The following JAKMIP1 variants were observed in gnomAD, a reference collection of about 807,000 sequenced individuals.
JAKMIP1 encodes the protein janus kinase and microtubule-interacting protein 1.
JAKMIP1 carries 33 observed loss-of-function variants against 113.0 expected under a neutral mutation model. That is an observed-to-expected ratio of 0.29 (90% CI 0.22 to 0.39). The LOEUF (loss-of-function observed/expected upper bound fraction) is 0.39. Ranked by LOEUF, JAKMIP1 falls within the 10% of genes least tolerant of loss-of-function variation. The pLI, the probability that JAKMIP1 is intolerant of heterozygous loss-of-function variation, is 1.00. For synonymous variants in JAKMIP1, 480 were observed against 459.9 expected (o/e 1.04, Z -0.56); for missense variants, 813 against 1,080.5 (o/e 0.75, Z 3.47).
chr4:6,190,223 G>C (rs1420520018), intron 1 of JAKMIP1, among the ~76,000 whole-genome samples: 1 of 152,098 alleles, frequency 6.6e-6, no homozygotes, highest in African/African-American at 2.4e-5. Flanking sequence ...GCAATGCCAG[G>C]CTAAATTTAC....
At chr4:6,048,741 C>T (rs746069735) in intron 16 of JAKMIP1, 116 bp downstream of exon 16, 30 of 812,550 alleles carry the variant, frequency 3.7e-5, no homozygotes, top group Non-Finnish European at 5.4e-5. Context: ...CACGTGCAGA[C>T]GCAGACGGAC....
chr4:6,064,881 T>C lies in JAKMIP1; in HGVS notation c.1430A>G (p.Asp477Gly). 7 of 1,614,052 alleles carry C rather than the reference T, an allele frequency of 4.3e-6. No individual in the cohort carries two copies. The highest frequency in any genetic ancestry group is 1.7e-4 in the Middle Eastern group (1 of 6,012). The change falls in exon 9 of 21, where the codon GAT (aspartate) becomes GGT (glycine). Residue 477 changes from aspartate to glycine, a missense_variant and splice_region_variant. Asp to Gly is a moderately conservative substitution (Grantham distance 94). Coordinates refer to ENST00000409021, the MANE Select transcript of JAKMIP1 (RefSeq NM_001099433.2). The surrounding 1 kb of genome is among the most constrained non-coding windows in gnomAD (Gnocchi z 4.3). ...CGCCCTCTCTGCAGGTTTGCTTACATCGTCCAAGTCTTCTTCGGGCGTGGC... is the reference window on the plus strand; with the variant it reads ...CGCCCTCTCTGCAGGTTTGCTTACACCGTCCAAGTCTTCTTCGGGCGTGGC... Reference protein sequence around the residue: ...TPATPEEDLDDATAREEADLR... With the variant: ...TPATPEEDLDGATAREEADLR...
intron 18 of JAKMIP1, among the ~76,000 whole-genome samples, chr4:6,038,864 A>G (rs1014416994): frequency 6.6e-6 from 1 of 152,176 alleles, no homozygotes; most frequent in African/African-American, 2.4e-5. Flanking sequence ...ATAGAAACGC[A>G]CCACTCGATT....
chr4:6,144,276 C>G (rs912497046), intron 1 of JAKMIP1, among the ~76,000 whole-genome samples: 1 of 152,200 alleles, frequency 6.6e-6, no homozygotes, highest in Non-Finnish European at 1.5e-5. Flanking sequence ...TAGAAAAGCA[C>G]AGGCCTAGAT....
chr4:6,135,897 G>T lies in JAKMIP1; in HGVS notation c.-147-22900C>A, dbSNP rs772232194. The stretch of plus-strand genomic sequence containing the variant: ...GGTGTCAGAGGACTTAAGAAATGGT[G>T]GGGGGAGAGGTGGGGGGGGACAGCA... On this transcript the variant is annotated intron_variant, in intron 1 of 20. Transcript: ENST00000409021. The surrounding 1 kb of genome is among the most constrained non-coding windows in gnomAD (Gnocchi z 4.9). Among the ~76,000 whole-genome samples, 3 of 151,910 alleles carry T rather than the reference G, an allele frequency of 2.0e-5. No individual in the cohort carries two copies. The highest frequency in any genetic ancestry group is 2.9e-5 in the Non-Finnish European group (2 of 67,966).
intron 1 of JAKMIP1, among the ~76,000 whole-genome samples, chr4:6,144,875 T>G (rs1271048495): frequency 6.6e-6 from 1 of 152,220 alleles, no homozygotes; most frequent in Non-Finnish European, 1.5e-5. Context: ...GAGGTTTTAG[T>G]CAGGGCAACT....
At chr4:6,029,845 AT>A in intron 19 of JAKMIP1, 64 bp from the exon 20 acceptor site, 3 of 1,161,926 alleles carry the variant, frequency 2.6e-6, no homozygotes, top group Non-Finnish European at 3.8e-6. Flanking sequence ...CTCTGTTTTT[AT>A]TTTTTATTGT....
intron 1 of JAKMIP1, among the ~76,000 whole-genome samples, chr4:6,159,289 T>TAAA (rs35263959): frequency 3.3e-4 from 49 of 149,732 alleles, no homozygotes; most frequent in South Asian, 8.4e-4. Context: ...ACAAATCTGC[T>TAAA]AAAAAAAAAA....
At position 6,179,169 on chromosome 4, in the gene JAKMIP1, T is replaced by A. The variant is rs1725738480; in HGVS notation, c.-148+21084A>T. 6.6e-6 allele frequency among the ~76,000 whole-genome samples: 1 copy of A among 152,212 alleles called. No individual in the cohort carries two copies. The highest frequency in any genetic ancestry group is 6.5e-5 in the Admixed American group (1 of 15,286). The stretch of plus-strand genomic sequence containing the variant: ...CCCACAGGCACACCTAGGTCTCCCA[T>A]GCCACCTTTGCTGAAACCACCTGGG... On this transcript the variant is annotated intron_variant, in intron 1 of 20. Coordinates refer to ENST00000409021, the MANE Select transcript of JAKMIP1 (RefSeq NM_001099433.2). This position sits in a 1 kb window ranked among gnomAD's most constrained non-coding sequence, Gnocchi z 4.5.
chr4:6,040,311 G>A lies in JAKMIP1; in HGVS notation c.2175+328C>T, dbSNP rs1374521628. Among the ~76,000 whole-genome samples the A allele has an allele frequency of 6.6e-6, 1 of 152,170 alleles. No individual in the cohort carries two copies. Among genetic ancestry groups the A allele is most frequent in the East Asian group, 1.9e-4 (1 of 5,190 alleles). On this transcript the variant is annotated intron_variant, in intron 18 of 20. Coordinates refer to ENST00000409021, the MANE Select transcript of JAKMIP1 (RefSeq NM_001099433.2). This position sits in a 1 kb window ranked among gnomAD's most constrained non-coding sequence, Gnocchi z 5.8. Reference sequence around the variant, plus strand: ...CTTTTTCCTATTTATAGGAAAACTTGCTTTGGGACTTTAAGTCTAAATATT... The same window carrying A: ...CTTTTTCCTATTTATAGGAAAACTTACTTTGGGACTTTAAGTCTAAATATT...
At position 6,179,597 on chromosome 4, in the gene JAKMIP1, A is replaced by T. The variant is rs917314158; in HGVS notation, c.-148+20656T>A. 1.3e-5 allele frequency among the ~76,000 whole-genome samples: 2 copies of T among 152,212 alleles called. No homozygotes were observed. The highest frequency in any genetic ancestry group is 4.8e-5 in the African/African-American group (2 of 41,446). On this transcript the variant is annotated intron_variant, in intron 1 of 20. Transcript: ENST00000409021. The surrounding 1 kb of genome is among the most constrained non-coding windows in gnomAD (Gnocchi z 4.5). The stretch of plus-strand genomic sequence containing the variant: ...TGCAAAAGGTGACCCTGCTCATTGC[A>T]CCAGGCAGAGAACAAGGGAAGGGAA...
At chr4:6,182,423 A>G (rs200162588) in intron 1 of JAKMIP1, among the ~76,000 whole-genome samples, 4,001 of 140,102 alleles carry the variant, frequency 0.029, 72 homozygotes, top group Non-Finnish European at 0.046. Flanking sequence ...AAAAAAAAAA[A>G]AAAGAAAGAA....
chr4:6,200,249 C>A lies in JAKMIP1; in HGVS notation c.-148+4G>T. On this transcript the variant is annotated splice_donor_region_variant and intron_variant, in intron 1 of 20. Coordinates refer to ENST00000409021, the MANE Select transcript of JAKMIP1 (RefSeq NM_001099433.2). This position sits in a 1 kb window ranked among gnomAD's most constrained non-coding sequence, Gnocchi z 7.0. The stretch of plus-strand genomic sequence containing the variant: ...CTCCCGCCCCCCGGCGCACCTGTAC[C>A]CACCTGCTCGGCGCTCAGGCCCGAG... 1 of 152,064 alleles carries A rather than the reference C, an allele frequency of 6.6e-6. No individual in the cohort carries two copies. Among genetic ancestry groups the A allele is most frequent in the Non-Finnish European group, 1.5e-5 (1 of 67,940 alleles). The allele number at this position is 152,064 out of a possible 1,614,324, so 9.4% of individuals were successfully genotyped here.
rs532147719 is a variant in JAKMIP1, at chr4:6,198,471, C to T, written c.-148+1782G>A. ...TGAGGAACTGGTGAGGTCGTGGGGG[C>T]GGTGGGAGTCATGGGTGGTTTGTGA... On this transcript the variant is annotated intron_variant, in intron 1 of 20. Coordinates refer to ENST00000409021, the MANE Select transcript of JAKMIP1 (RefSeq NM_001099433.2). Among the ~76,000 whole-genome samples, 27 of 151,800 alleles carry T rather than the reference C, an allele frequency of 1.8e-4. 1 individual carries two copies. In the South Asian group the frequency reaches 2.9e-3, roughly 16 times the overall value.
rs1214104811 is a variant in JAKMIP1, at chr4:6,141,589, A to G, written c.-147-28592T>C. Among the ~76,000 whole-genome samples the G allele has an allele frequency of 6.6e-6, 1 of 152,252 alleles. No individual in the cohort carries two copies. Among genetic ancestry groups the G allele is most frequent in the Non-Finnish European group, 1.5e-5 (1 of 68,044 alleles). On this transcript the variant is annotated intron_variant, in intron 1 of 20. Transcript: ENST00000409021. This position sits in a 1 kb window ranked among gnomAD's most constrained non-coding sequence, Gnocchi z 9.4. ...AATAATTTTATGGGCAACAGCACCT[A>G]TGCCCCAGGGCCTGGCCTGTGAATG...
intron 8 of JAKMIP1, among the ~76,000 whole-genome samples, chr4:6,073,010 G>T (rs1278334405): frequency 6.6e-6 from 1 of 151,170 alleles, no homozygotes; most frequent in Non-Finnish European, 1.5e-5. Context: ...GGAGGCGGAG[G>T]TTGCCGTGAG....
chr4:6,065,040 C>T lies in JAKMIP1; in HGVS notation c.1303-32G>A, dbSNP rs375725216. Reference sequence around the variant, plus strand: ...AACGCAATTTGTATGATGTTAGCAACGACTGAGGATTGCCAGAGTCTACCA... The same window carrying T: ...AACGCAATTTGTATGATGTTAGCAATGACTGAGGATTGCCAGAGTCTACCA... On this transcript the variant is annotated intron_variant, in intron 8 of 20. Transcript: ENST00000409021. The surrounding 1 kb of genome is among the most constrained non-coding windows in gnomAD (Gnocchi z 5.1). The T allele has an allele frequency of 5.8e-5, 93 of 1,613,458 alleles. No homozygotes were observed. Among genetic ancestry groups the T allele is most frequent in the East Asian group, 2.2e-4 (10 of 44,866 alleles).
At chr4:6,128,152 G>A (rs887461165) in intron 1 of JAKMIP1, among the ~76,000 whole-genome samples, 4 of 152,226 alleles carry the variant, frequency 2.6e-5, no homozygotes, top group Non-Finnish European at 5.9e-5. Flanking sequence ...CATGTGGTTA[G>A]AAAAGGGCTT....
chr4:6,128,114 G>A (rs1204927789), intron 1 of JAKMIP1, among the ~76,000 whole-genome samples: 1 of 152,228 alleles, frequency 6.6e-6, no homozygotes, highest in Non-Finnish European at 1.5e-5. Context: ...TGAAGATGCT[G>A]GGGCCCGAGA....
Sources: allele counts gnomAD v4.1 joint callset (sites outside exome capture counted in the v4.1 genomes callset), GRCh38; gene constraint gnomAD v4.1.1; non-coding constraint Gnocchi (gnomAD v3.1); transcripts MANE v1.5; gene names NCBI Gene and HGNC (gene_info 2026-07-23, HGNC 2026-07-21).